Variants in TRPM1 observed in about 807,000 individuals in gnomAD.
TRPM1 encodes the protein transient receptor potential cation channel subfamily M member 1.
A neutral mutation model predicts 149.4 loss-of-function variants in TRPM1; 113 were observed. That is an observed-to-expected ratio of 0.76 (90% CI 0.65 to 0.88). The LOEUF (loss-of-function observed/expected upper bound fraction) is 0.88, where lower values mean the gene tolerates loss of function less well. Ranked by LOEUF, TRPM1 falls within the 40% of genes least tolerant of loss-of-function variation. The pLI, the probability that TRPM1 is intolerant of heterozygous loss-of-function variation, is 0.00. For synonymous variants in TRPM1, 741 were observed against 759.5 expected (o/e 0.98, Z 0.40); for missense variants, 1,976 against 2,038.7 (o/e 0.97, Z 0.59).
chr15:31,042,699 G>A (rs2033659423), intron 16 of TRPM1, among the ~76,000 whole-genome samples: 1 of 39,380 alleles, frequency 2.5e-5, no homozygotes, highest in Non-Finnish European at 4.6e-5. Context: ...ATGCAAAAGG[G>A]GCTAGAGAAA....
At position 31,032,791 on chromosome 15, in the gene TRPM1, C is replaced by A; in HGVS notation, c.2850G>T (p.Arg950=). The A allele has an allele frequency of 1.2e-6, 2 of 1,614,180 alleles. No individual in the cohort carries two copies. Among genetic ancestry groups the A allele is most frequent in the South Asian group, 2.2e-5 (2 of 91,080 alleles). ...LQNQPYMGYG[R]VIYCVDIIFW... is the part of the protein sequence containing the mutation. Reference sequence around the variant, plus strand: ...AGATGATATCCACACAGTAGATCACCCGGCCATAGCCCATGTAGGGCTGGT... The same window carrying A: ...AGATGATATCCACACAGTAGATCACACGGCCATAGCCCATGTAGGGCTGGT... Residue 950 remains arginine, a synonymous_variant, in exon 22 of 28, where the codon CGG becomes CGT. Transcript: ENST00000256552.
At chr15:31,073,549 A>G (rs1465334403) in intron 3 of TRPM1, among the ~76,000 whole-genome samples, 1 of 151,990 alleles carries the variant, frequency 6.6e-6, no homozygotes, top group East Asian at 1.9e-4. Context: ...TTGTGTATTG[A>G]TCTTATATGC....
chr15:31,032,006 G>GTTTT (rs57762904), intron 22 of TRPM1, among the ~76,000 whole-genome samples: 2 of 122,760 alleles, frequency 1.6e-5, no homozygotes, highest in Admixed American at 8.2e-5. Context: ...ATCAGGCGGG[G>GTTTT]TTTTTTTTTT....
At chr15:31,081,693 C>T (rs1469779354) in intron 1 of TRPM1, among the ~76,000 whole-genome samples, 11 of 152,178 alleles carry the variant, frequency 7.2e-5, no homozygotes, top group Non-Finnish European at 1.5e-4. Flanking sequence ...CTTCAGTTCT[C>T]TGCTGTATCC....
chr15:31,053,166 C>T (rs183039560), intron 11 of TRPM1, among the ~76,000 whole-genome samples: 6 of 152,286 alleles, frequency 3.9e-5, no homozygotes, highest in South Asian at 2.1e-4. Flanking sequence ...CACACAAAAA[C>T]GCTCAATATC....
chr15:31,110,921 C>CCCTT (rs1292409849), intron 1 of TRPM1, among the ~76,000 whole-genome samples: 2 of 147,374 alleles, frequency 1.4e-5, no homozygotes, highest in Non-Finnish European at 3.0e-5. Context: ...TTCCCTCCCT[C>CCCTT]CCTTCTGCTT....
intron 11 of TRPM1, among the ~76,000 whole-genome samples, chr15:31,051,779 C>A (rs1227242686): frequency 6.6e-6 from 1 of 152,196 alleles, no homozygotes; most frequent in Non-Finnish European, 1.5e-5. Flanking sequence ...GCTCCTGTTG[C>A]CTGCTCAGCA....
chr15:31,096,770 G>A (rs532179406), intron 1 of TRPM1, among the ~76,000 whole-genome samples: 3 of 152,266 alleles, frequency 2.0e-5, no homozygotes, highest in Admixed American at 1.3e-4. Context: ...CCCTGCCCTC[G>A]AGCCTCCTCT....
rs1266349944 is a variant in TRPM1, at chr15:31,040,647, C to G, written c.2088-301G>C. On this transcript the variant is annotated intron_variant, in intron 17 of 27. Coordinates refer to ENST00000256552, the MANE Select transcript of TRPM1 (RefSeq NM_001252024.2). This position sits in a 1 kb window ranked among gnomAD's most constrained non-coding sequence, Gnocchi z 4.2. ...ACATAGAGACGAGAAGACAAAGTCC[C>G]TTCCCTCAAGTTGTGCACAGATCAG... 6.6e-6 allele frequency among the ~76,000 whole-genome samples: 1 copy of G among 152,198 alleles called. No individual in the cohort carries two copies. The highest frequency in any genetic ancestry group is 2.4e-5 in the African/African-American group (1 of 41,442).
At chr15:31,105,283 G>T (rs2035587311), upstream of TRPM1, among the ~76,000 whole-genome samples, 1 of 152,156 alleles carries the variant, frequency 6.6e-6, no homozygotes, top group Admixed American at 6.5e-5. Context: ...GGATCATCTT[G>T]TACATTTCTT....
At chr15:31,050,303 C>T (rs898733243) in intron 12 of TRPM1, 106 bp downstream of exon 12, 37 of 1,546,680 alleles carry the variant, frequency 2.4e-5, no homozygotes, top group Non-Finnish European at 3.1e-5. Context: ...TTACCCGTCC[C>T]TCCTGGGATC....
intron 1 of TRPM1, among the ~76,000 whole-genome samples, chr15:31,138,187 T>A (rs2036114570): frequency 1.3e-5 from 2 of 152,118 alleles, no homozygotes; most frequent in South Asian, 4.2e-4. Context: ...AAAATTGTTG[T>A]CATTGGTGCA....
In TRPM1 at chr15:31,016,867, C is replaced by G. The variant is rs199856474; in HGVS notation, c.3629+9272G>C. On this transcript the variant is annotated intron_variant, in intron 27 of 27. Transcript: ENST00000256552. ...GATTAATAATAGCTGTGATCCTCCACGCCCATATTCATCTTTTGACTCACA... is the reference window on the plus strand; with the variant it reads ...GATTAATAATAGCTGTGATCCTCCAGGCCCATATTCATCTTTTGACTCACA... 1.1e-4 allele frequency among the ~76,000 whole-genome samples: 17 copies of G among 152,126 alleles called. No homozygotes were observed. In the East Asian group the frequency reaches 2.3e-3, roughly 21 times the overall value.
rs570390972 is a variant in TRPM1, at chr15:31,119,280, C to A, written c.54+41626G>T. 4.0e-5 allele frequency among the ~76,000 whole-genome samples: 5 copies of A among 123,546 alleles called. No homozygotes were observed. The South Asian group carries it at 1.4e-3, about 35-fold the overall frequency. 81.1% of individuals were successfully genotyped at this position (123,546 alleles called of 152,430 possible). A position where few individuals can be genotyped will look rare whatever the true frequency, so the allele number is the denominator to read the frequency against. On this transcript the variant is annotated intron_variant, in intron 1 of 26. Transcript: ENST00000542188. ...TAAATAAATAAATAAATAAACTTAT[C>A]TATAGAGGAACAAGGGTAAAACCTA...
intron 27 of TRPM1, among the ~76,000 whole-genome samples, chr15:31,009,323 C>T (rs893998983): frequency 6.6e-6 from 1 of 151,860 alleles, no homozygotes; most frequent in Non-Finnish European, 1.5e-5. Context: ...CAGGAGACCT[C>T]GGCTCAAAAA....
At chr15:31,072,872 A>AT (rs148091269) in intron 3 of TRPM1, among the ~76,000 whole-genome samples, 2,479 of 151,422 alleles carry the variant, frequency 0.016, 80 homozygotes, top group African/African-American at 0.057. Flanking sequence ...TGGGTTATTT[A>AT]TTTTTTTTTA....
Position 31,157,896 on chromosome 15 carries a change from C to A in TRPM1, c.54+3010G>T, listed in dbSNP as rs75910921. On this transcript the variant is annotated intron_variant, in intron 1 of 26. Transcript: ENST00000542188. ...GTTTGTGTTTGTTTTTCCCACAGGGCAGCTGGTGTGTTTCAACAAACACGG... is the reference window on the plus strand; with the variant it reads ...GTTTGTGTTTGTTTTTCCCACAGGGAAGCTGGTGTGTTTCAACAAACACGG... Among the ~76,000 whole-genome samples, 628 of 152,258 alleles carry A rather than the reference C, an allele frequency of 4.1e-3. 24 individuals are homozygous for A. In the East Asian group the frequency reaches 0.096, roughly 23 times the overall value.
At chr15:31,056,102 A>T (rs1404901748) in intron 11 of TRPM1, among the ~76,000 whole-genome samples, 1 of 152,220 alleles carries the variant, frequency 6.6e-6, no homozygotes, top group East Asian at 1.9e-4. Context: ...AAAGCTAAAG[A>T]AAAAGTTGAG....
chr15:31,024,917 T>G (rs2032670017), intron 27 of TRPM1, among the ~76,000 whole-genome samples: 1 of 152,092 alleles, frequency 6.6e-6, no homozygotes, highest in African/African-American at 2.4e-5. Flanking sequence ...CCCTAGAGTT[T>G]AGCTGGTTGG....
Sources: gnomAD v4.1 joint callset for allele counts (sites outside exome capture counted in the v4.1 genomes callset) on GRCh38, gnomAD v4.1.1 for gene constraint, Gnocchi (gnomAD v3.1) non-coding constraint, MANE v1.5 for transcripts, NCBI Gene and HGNC (gene_info 2026-07-23, HGNC 2026-07-21) for gene names.